DNAH12: variants seen among roughly 807,000 people sequenced by gnomAD.
The protein encoded by DNAH12 is dynein axonemal heavy chain 12.
A neutral mutation model predicts 371.5 loss-of-function variants in DNAH12; 285 were observed. The ratio of observed to expected loss-of-function variants is 0.77; its 90% CI spans 0.70 to 0.85. DNAH12 has a LOEUF of 0.85. Among genes scored for constraint, DNAH12 ranks in the 40% least tolerant of loss-of-function variants. DNAH12 has a pLI of 0.00. For missense variants in DNAH12, 3,611 were observed against 3,689.4 expected, an observed-to-expected ratio of 0.98 and a Z score of 0.55; for synonymous variants, 1,200 against 1,213.0, an observed-to-expected ratio of 0.99 and a Z score of 0.22.
chr3:57,549,366 A>G, the DNAH12 span, among the ~76,000 whole-genome samples: 3 of 151,780 alleles, frequency 2.0e-5, no homozygotes, highest in East Asian at 3.9e-4. Flanking sequence ...AAAATACGAA[A>G]ATTAGCCAGG....
intron 44 of DNAH12, among the ~76,000 whole-genome samples, chr3:57,393,625 C>CAAAAAAAAAAAAAAAA (rs1180952196): frequency 9.3e-5 from 6 of 64,274 alleles, no homozygotes; most frequent in African/African-American, 2.6e-4. Context: ...GACTCTGTCT[C>CAAAAAAAAAAAAAAAA]AAAAAAAAAA....
At chr3:57,341,722 A>T (rs1271969875) in intron 60 of DNAH12, among the ~76,000 whole-genome samples, 1 of 152,124 alleles carries the variant, frequency 6.6e-6, no homozygotes, top group Non-Finnish European at 1.5e-5. Context: ...ACTCTCTATC[A>T]ATATACCAAT....
At chr3:57,390,424 A>AAAAAAAAAAAAAAAAAAT in intron 45 of DNAH12, among the ~76,000 whole-genome samples, 1 of 33,422 alleles carries the variant, frequency 3.0e-5, no homozygotes, top group African/African-American at 6.3e-5. Context: ...AAAAAAAAAA[A>AAAAAAAAAAAAAAAAAAT]ATATATATAT....
chr3:57,461,636 A>G lies in DNAH12; in HGVS notation c.2589T>C (p.Ile863=). ...MNTMIGTWED[I]AFHISLYRDT... is the part of the protein sequence containing the mutation. ...CACGATACAGACTTATATGAAAAGC[A>G]ATATCTTCCCAAGTTCCTATCATTG... Residue 863 remains isoleucine (I), a synonymous_variant, in exon 19 of 74, where the codon ATT becomes ATC. Transcript: ENST00000495027. The G allele has an allele frequency of 6.4e-7, 1 of 1,551,278 alleles. No individual in the cohort carries two copies. The highest frequency in any genetic ancestry group is 1.2e-5 in the South Asian group (1 of 84,050).
intron 36 of DNAH12, among the ~76,000 whole-genome samples, chr3:57,419,760 A>G (rs982346403): frequency 1.3e-5 from 2 of 152,170 alleles, no homozygotes; most frequent in African/African-American, 4.8e-5. Context: ...TTCATTTTTA[A>G]TAACCTGAAA....
intron 32 of DNAH12, 96 bp downstream of exon 32, chr3:57,433,271 G>A: frequency 7.6e-7 from 1 of 1,321,110 alleles, no homozygotes; most frequent in Non-Finnish European, 9.8e-7. Flanking sequence ...CTTTATTTTT[G>A]CATCCTTTAT....
intron 9 of DNAH12, among the ~76,000 whole-genome samples, 196 bp downstream of exon 9, chr3:57,503,820 C>T (rs2067648127): frequency 6.6e-6 from 1 of 152,078 alleles, no homozygotes; most frequent in Non-Finnish European, 1.5e-5. Flanking sequence ...TTCATAGCTA[C>T]AAGAAAAGTT....
chr3:57,390,922 T>C (rs2063609521), intron 45 of DNAH12, among the ~76,000 whole-genome samples: 1 of 152,146 alleles, frequency 6.6e-6, no homozygotes, highest in African/African-American at 2.4e-5. Flanking sequence ...TGGGAATACC[T>C]TGCCAATGTC....
At chr3:57,518,097 C>A (rs1034757600) in intron 4 of DNAH12, among the ~76,000 whole-genome samples, 1 of 151,914 alleles carries the variant, frequency 6.6e-6, no homozygotes, top group Non-Finnish European at 1.5e-5. Context: ...ATATTATGCC[C>A]TCACTGTAGT....
intron 12 of DNAH12, among the ~76,000 whole-genome samples, chr3:57,485,773 G>A (rs1047113920): frequency 6.6e-6 from 1 of 152,158 alleles, no homozygotes; most frequent in African/African-American, 2.4e-5. Flanking sequence ...ATAAGTGGGA[G>A]CTAGGCTATG....
intron 2 of DNAH12, among the ~76,000 whole-genome samples, chr3:57,524,619 A>G (rs1447724196): frequency 6.6e-6 from 1 of 152,154 alleles, no homozygotes; most frequent in East Asian, 1.9e-4. Context: ...AGTGCCATAT[A>G]GGTACCCTGT....
At position 57,309,171 on chromosome 3, in the gene DNAH12, T is replaced by C; in HGVS notation, c.11169A>G (p.Gln3723=). 2 of 1,545,086 alleles carry C rather than the reference T, an allele frequency of 1.3e-6. No homozygotes were observed. Among genetic ancestry groups the C allele is most frequent in the Non-Finnish European group, 1.7e-6 (2 of 1,145,054 alleles). The change falls in exon 69 of 74, where the codon CAA becomes CAG. Residue 3723 remains glutamine (Q), a synonymous_variant. Coordinates refer to ENST00000495027, the MANE Select transcript of DNAH12 (RefSeq NM_001366028.2). The part of the protein sequence containing the change: ...YEESMNTVLV[Q]EMERFNNLII... ...CTTACTTGTTAAATCTTTCCATTTC[T>C]TGTACTAACACAGTATTCATGCTTT... is the stretch of plus-strand genomic sequence containing the variant.
At chr3:57,507,885 T>C in intron 7 of DNAH12, 47 bp from the exon 8 acceptor site, 1 of 1,503,406 alleles carries the variant, frequency 6.7e-7, no homozygotes, top group Non-Finnish European at 8.8e-7. Flanking sequence ...TGATACATAT[T>C]GGTCTTAAAA....
chr3:57,424,963 T>G, intron 35 of DNAH12, 59 bp downstream of exon 35: 12 of 672,956 alleles, frequency 1.8e-5, no homozygotes, highest in South Asian at 1.5e-4. Flanking sequence ...AATATAAACA[T>G]CATGTACCAG....
chr3:57,359,434 C>T (rs2062871412), intron 58 of DNAH12, among the ~76,000 whole-genome samples: 1 of 151,594 alleles, frequency 6.6e-6, no homozygotes, highest in Non-Finnish European at 1.5e-5. Flanking sequence ...TGGCGCATGC[C>T]TGTAATCCCA....
intron 25 of DNAH12, among the ~76,000 whole-genome samples, chr3:57,450,438 C>T (rs1306187745): frequency 3.7e-4 from 54 of 144,090 alleles, no homozygotes; most frequent in Middle Eastern, 4.2e-3. Flanking sequence ...ATCCCAGCTA[C>T]TTGGGAGGCT....
intron 63 of DNAH12, 64 bp downstream of exon 63, chr3:57,323,405 G>A (rs2061856299): frequency 6.8e-7 from 1 of 1,475,724 alleles, no homozygotes; most frequent in East Asian, 2.5e-5. Context: ...ATCATATAAG[G>A]AATCAGTATT....
chr3:57,339,962 T>C (rs1482933684), intron 60 of DNAH12, among the ~76,000 whole-genome samples: 1 of 151,998 alleles, frequency 6.6e-6, no homozygotes, highest in Non-Finnish European at 1.5e-5. Context: ...TCCCAACTAC[T>C]TGGGAGGCTG....
At chr3:57,406,097 T>C in intron 40 of DNAH12, 145 bp from the exon 41 acceptor site, 1 of 842,818 alleles carries the variant, frequency 1.2e-6, no homozygotes, top group Non-Finnish European at 1.8e-6. Flanking sequence ...ACATCTGTAA[T>C]CGCAGCACTT....
Sources: allele counts gnomAD v4.1 joint callset (sites outside exome capture counted in the v4.1 genomes callset), GRCh38; gene constraint gnomAD v4.1.1; transcripts MANE v1.5; gene names NCBI Gene and HGNC (gene_info 2026-07-23, HGNC 2026-07-21).